GALNTL6: variants seen among roughly 807,000 people sequenced by gnomAD.
GALNTL6 encodes polypeptide N-acetylgalactosaminyltransferase like 6, also known as polypeptide N-acetylgalactosaminyltransferase-like 6.
In GALNTL6, 46 loss-of-function variants were observed where a neutral mutation model predicts 73.7. The ratio of observed to expected loss-of-function variants is 0.62; its 90% CI spans 0.49 to 0.80. The LOEUF is 0.80. GALNTL6 is among the 30% of genes least tolerant of loss of function. The probability of loss-of-function intolerance (pLI) is 0.00; values close to 1 mark genes in which losing one functional copy is unlikely to be tolerated. For missense variants in GALNTL6, 604 were observed against 755.0 expected (o/e 0.80, Z 2.34); for synonymous variants, 259 against 263.7 (o/e 0.98, Z 0.17).
In GALNTL6 at chr4:171,847,114, C is replaced by T. The variant is rs558264276; in HGVS notation, c.138+32396C>T. Among the ~76,000 whole-genome samples the T allele has an allele frequency of 1.7e-3, 257 of 151,802 alleles. 2 individuals carry two copies. Among genetic ancestry groups the T allele is most frequent in the African/African-American group, 5.9e-3 (243 of 41,440 alleles). ...GCATTTACAGAAACTTTGTAGAACACACCTTCTGTGAGTAATGAGAATCGA... is the reference window on the plus strand; with the variant it reads ...GCATTTACAGAAACTTTGTAGAACATACCTTCTGTGAGTAATGAGAATCGA... On this transcript the variant is annotated intron_variant, in intron 2 of 12. Coordinates refer to ENST00000506823, the MANE Select transcript of GALNTL6 (RefSeq NM_001034845.3).
At chr4:172,709,873 A>AATT (rs1734591532) in intron 5 of GALNTL6, among the ~76,000 whole-genome samples, 1 of 152,100 alleles carries the variant, frequency 6.6e-6, no homozygotes, top group Admixed American at 6.6e-5. Context: ...AAGGGAAAAA[A>AATT]TGTAGATGAA....
intron 2 of GALNTL6, among the ~76,000 whole-genome samples, chr4:171,946,033 A>G (rs1009810815): frequency 6.6e-6 from 1 of 152,154 alleles, no homozygotes; most frequent in Non-Finnish European, 1.5e-5. Flanking sequence ...GCTTTTTTGG[A>G]TTAATGTGAT....
intron 4 of GALNTL6, among the ~76,000 whole-genome samples, chr4:172,336,831 T>C (rs1470325904): frequency 5.3e-5 from 8 of 152,170 alleles, no homozygotes; most frequent in African/African-American, 1.9e-4. Context: ...TCTTTAATGC[T>C]GTCAGTGAGG....
intron 5 of GALNTL6, among the ~76,000 whole-genome samples, chr4:172,736,978 G>A (rs544888631): frequency 6.6e-6 from 1 of 152,246 alleles, no homozygotes; most frequent in Non-Finnish European, 1.5e-5. Flanking sequence ...CCATGATTGT[G>A]AGGCATCCCC....
intron 5 of GALNTL6, among the ~76,000 whole-genome samples, chr4:172,574,065 A>C (rs1271842603): frequency 6.6e-6 from 1 of 152,130 alleles, no homozygotes; most frequent in Admixed American, 6.5e-5. Context: ...GGAAAAACAA[A>C]AAAAAAGGAA....
chr4:172,073,713 T>C (rs1465300918), intron 2 of GALNTL6, among the ~76,000 whole-genome samples: 1 of 152,208 alleles, frequency 6.6e-6, no homozygotes. Context: ...GGATAATCCA[T>C]TGCCTGAAGC....
At chr4:172,342,297 G>A (rs901633501) in intron 4 of GALNTL6, among the ~76,000 whole-genome samples, 5 of 151,884 alleles carry the variant, frequency 3.3e-5, no homozygotes, top group Non-Finnish European at 5.9e-5. Context: ...GCCTTAAAGG[G>A]CCAATGATAG....
intron 7 of GALNTL6, among the ~76,000 whole-genome samples, chr4:172,870,541 G>A (rs1008579924): frequency 6.6e-6 from 1 of 152,182 alleles, no homozygotes; most frequent in Non-Finnish European, 1.5e-5. Context: ...CCCAGGGCCT[G>A]TGTGCATTTC....
chr4:172,044,606 A>C (rs1742169918), intron 2 of GALNTL6, among the ~76,000 whole-genome samples: 1 of 151,996 alleles, frequency 6.6e-6, no homozygotes, highest in Non-Finnish European at 1.5e-5. Flanking sequence ...ATTGTATTCT[A>C]ATATATGCCT....
At chr4:172,641,594 C>A (rs1255461281) in intron 5 of GALNTL6, among the ~76,000 whole-genome samples, 1 of 152,066 alleles carries the variant, frequency 6.6e-6, no homozygotes, top group Non-Finnish European at 1.5e-5. Context: ...TAAATCTGAA[C>A]CTTACCAATA....
intron 2 of GALNTL6, among the ~76,000 whole-genome samples, chr4:171,946,594 G>A (rs142769842): frequency 7.7e-4 from 117 of 152,298 alleles, no homozygotes; most frequent in African/African-American, 2.5e-3. Flanking sequence ...CAGAAAACTT[G>A]TAGACAAATG....
intron 2 of GALNTL6, among the ~76,000 whole-genome samples, chr4:172,014,570 T>C (rs1741127030): frequency 6.6e-6 from 1 of 152,084 alleles, no homozygotes; most frequent in African/African-American, 2.4e-5. Context: ...TGATCTTTGT[T>C]ATTTCTTTTC....
chr4:172,626,855 C>T (rs1739190396), intron 5 of GALNTL6, among the ~76,000 whole-genome samples: 1 of 152,040 alleles, frequency 6.6e-6, no homozygotes, highest in South Asian at 2.1e-4. Flanking sequence ...TATCTTGAAA[C>T]TTTATTGAAA....
At chr4:172,213,575 G>A (rs771524239) in intron 2 of GALNTL6, among the ~76,000 whole-genome samples, 1 of 152,102 alleles carries the variant, frequency 6.6e-6, no homozygotes, top group Non-Finnish European at 1.5e-5. Flanking sequence ...TTGATGAGAT[G>A]TCTGTTCAGT....
intron 10 of GALNTL6, among the ~76,000 whole-genome samples, chr4:172,954,640 A>T (rs1025069250): frequency 6.6e-6 from 1 of 151,876 alleles, no homozygotes; most frequent in African/African-American, 2.4e-5. Context: ...CTAATTTTTT[A>T]AATTTTTTGT....
At chr4:172,859,498 C>A (rs1217167183) in intron 7 of GALNTL6, among the ~76,000 whole-genome samples, 1 of 151,668 alleles carries the variant, frequency 6.6e-6, no homozygotes, top group African/African-American at 2.4e-5. Context: ...CCGAGACTTG[C>A]ACCAAACAGG....
At chr4:172,813,164 A>T (rs1348865706) in intron 6 of GALNTL6, among the ~76,000 whole-genome samples, 1 of 152,210 alleles carries the variant, frequency 6.6e-6, no homozygotes, top group Non-Finnish European at 1.5e-5. Context: ...GTATTTTCTC[A>T]GCAGGCTCCA....
intron 8 of GALNTL6, among the ~76,000 whole-genome samples, chr4:172,924,007 C>T (rs78887179): frequency 0.02 from 3,066 of 151,942 alleles, 36 homozygotes; most frequent in Non-Finnish European, 0.024. Flanking sequence ...GAGGGTCCCA[C>T]GAGCCTGGGG....
chr4:172,391,603 A>T (rs1047896321), intron 5 of GALNTL6, among the ~76,000 whole-genome samples: 1 of 152,166 alleles, frequency 6.6e-6, no homozygotes, highest in Non-Finnish European at 1.5e-5. Context: ...TATTACCATC[A>T]AATTGGCCAT....
Sources: allele counts gnomAD v4.1 joint callset (sites outside exome capture counted in the v4.1 genomes callset), GRCh38; gene constraint gnomAD v4.1.1; transcripts MANE v1.5; gene names NCBI Gene and HGNC (gene_info 2026-07-23, HGNC 2026-07-21).